The following COL11A1 variants were observed in gnomAD, a reference collection of about 807,000 sequenced individuals.
COL11A1 encodes collagen alpha-1(XI) chain.
Under a neutral mutation model 265.2 loss-of-function variants are expected in COL11A1, and 74 were observed. That is an observed-to-expected ratio of 0.28 (90% CI 0.23 to 0.34). The LOEUF (loss-of-function observed/expected upper bound fraction) is 0.34, where lower values mean the gene tolerates loss of function less well. Among genes scored for constraint, COL11A1 ranks in the 10% least tolerant of loss-of-function variants. The pLI, the probability that COL11A1 is intolerant of heterozygous loss-of-function variation, is 1.00. For synonymous variants in COL11A1, 816 were observed against 727.6 expected (o/e 1.12, Z -1.96); for missense variants, 2,165 against 2,263.6 (o/e 0.96, Z 0.88).
At chr1:102,952,168 G>C (rs1659953819) in intron 41 of COL11A1, among the ~76,000 whole-genome samples, 1 of 151,944 alleles carries the variant, frequency 6.6e-6, no homozygotes, top group South Asian at 2.1e-4. Flanking sequence ...GTGCGATCTT[G>C]GCTCACTGCA....
chr1:102,943,000 T>C (rs1658888807), intron 42 of COL11A1, among the ~76,000 whole-genome samples: 1 of 152,082 alleles, frequency 6.6e-6, no homozygotes, highest in Non-Finnish European at 1.5e-5. Flanking sequence ...ACTAAATAAA[T>C]GATAGGGGTA....
Position 103,014,554 on chromosome 1 carries a change from G to C in COL11A1, c.1529C>G (p.Ser510Cys). ...GGDGSKGPTI[S>C]AQEAQAQAIL... is the part of the protein sequence containing the mutation. ...AGCTTGAGCCTGAGCTTCCTGAGCA[G>C]AGATGGTTGGTCCTTTGGAACCATC... The change falls in exon 13 of 67, where the codon TCT becomes TGT. Residue 510 changes from serine to cysteine, a missense_variant. Coordinates refer to ENST00000370096, the MANE Select transcript of COL11A1 (RefSeq NM_001854.4). 6.2e-7 allele frequency: 1 copy of C among 1,613,752 alleles called. No individual in the cohort carries two copies. The highest frequency in any genetic ancestry group is 8.5e-7 in the Non-Finnish European group (1 of 1,179,784).
intron 4 of COL11A1, among the ~76,000 whole-genome samples, chr1:103,047,208 A>G (rs935395039): frequency 1.3e-5 from 2 of 152,060 alleles, no homozygotes; most frequent in African/African-American, 2.4e-5. Flanking sequence ...AGTATGGCCA[A>G]TTTCACGATA....
intron 1 of COL11A1, 113 bp downstream of exon 1, chr1:103,107,960 G>C (rs1571302195): frequency 1.3e-6 from 1 of 764,310 alleles, no homozygotes; most frequent in Admixed American, 2.1e-5. Flanking sequence ...TAAGGGAATT[G>C]CTTTTTTTTT....
At position 102,978,899 on chromosome 1, in the gene COL11A1, T is replaced by G; in HGVS notation, c.2670A>C (p.Ser890=). 1 of 1,614,188 alleles carries G rather than the reference T, an allele frequency of 6.2e-7. No homozygotes were observed. Among genetic ancestry groups the G allele is most frequent in the Non-Finnish European group, 8.5e-7 (1 of 1,180,028 alleles). Residue 890 remains serine (S), a synonymous_variant, in exon 34 of 67, where the codon TCA becomes TCC. Coordinates refer to ENST00000370096, the MANE Select transcript of COL11A1 (RefSeq NM_001854.4). ...GQRGPTGPRG[S]RGARGPTGKP... ...TCCCAGTGGGACCTCTTGCACCTCT[T>G]GAACCTCGAGGACCCTGCAGATGAG...
At chr1:102,990,531 C>A (rs915783424) in intron 28 of COL11A1, among the ~76,000 whole-genome samples, 4 of 151,718 alleles carry the variant, frequency 2.6e-5, no homozygotes, top group Non-Finnish European at 5.9e-5. Context: ...AAGAGAGGAA[C>A]GATTTGGGCT....
chr1:103,030,415 A>G (rs1027098605), intron 5 of COL11A1, among the ~76,000 whole-genome samples: 4 of 152,080 alleles, frequency 2.6e-5, no homozygotes, highest in African/African-American at 9.7e-5. Flanking sequence ...ACCCATTGTA[A>G]ACAGTAAAAC....
chr1:103,013,307 T>C (rs539817908), intron 13 of COL11A1, among the ~76,000 whole-genome samples: 1 of 152,022 alleles, frequency 6.6e-6, no homozygotes, highest in Non-Finnish European at 1.5e-5. Context: ...AATATACTTC[T>C]TAATCCTTGA....
At chr1:103,029,253 T>A (rs1427430969) in intron 5 of COL11A1, among the ~76,000 whole-genome samples, 1 of 152,052 alleles carries the variant, frequency 6.6e-6, no homozygotes, top group Non-Finnish European at 1.5e-5. Flanking sequence ...GCCAGAAGTT[T>A]ATTAGTGAAC....
chr1:103,023,129 C>A, intron 7 of COL11A1, 133 bp from the exon 8 acceptor site: 1 of 844,998 alleles, frequency 1.2e-6, no homozygotes, highest in Non-Finnish European at 1.9e-6. Flanking sequence ...CTCTAAACAC[C>A]TGGAAAGTAG....
intron 64 of COL11A1, among the ~76,000 whole-genome samples, chr1:102,882,396 G>C (rs1650368209): frequency 6.6e-6 from 1 of 152,250 alleles, no homozygotes; most frequent in East Asian, 1.9e-4. Flanking sequence ...TGGAGGCTAG[G>C]GGAGCTTTAC....
intron 4 of COL11A1, among the ~76,000 whole-genome samples, chr1:103,058,461 T>G (rs940702655): frequency 2.1e-4 from 32 of 152,174 alleles, no homozygotes; most frequent in African/African-American, 7.2e-4. Flanking sequence ...TCCTTTGCAT[T>G]CATAACTCTT....
intron 1 of COL11A1, among the ~76,000 whole-genome samples, chr1:103,097,136 C>T (rs929243138): frequency 6.6e-6 from 1 of 151,978 alleles, no homozygotes; most frequent in Admixed American, 6.6e-5. Flanking sequence ...ACTGGGACAA[C>T]CTAGTTATGT....
intron 48 of COL11A1, among the ~76,000 whole-genome samples, chr1:102,920,729 G>A (rs1014451105): frequency 9.2e-5 from 14 of 152,172 alleles, no homozygotes; most frequent in South Asian, 8.3e-4. Context: ...CATAATCCAC[G>A]CAAGAAACAA....
chr1:103,005,619 G>T (rs1665524021), intron 18 of COL11A1, among the ~76,000 whole-genome samples: 1 of 152,062 alleles, frequency 6.6e-6, no homozygotes, highest in Non-Finnish European at 1.5e-5. Flanking sequence ...ATTTATGTTT[G>T]CATAAAAGGA....
chr1:102,895,935 A>G (rs1463037), intron 57 of COL11A1, among the ~76,000 whole-genome samples: 13,292 of 151,726 alleles, frequency 0.088, 686 homozygotes, highest in Middle Eastern at 0.16. Context: ...ACACACATGC[A>G]TGAATGAGGT....
chr1:102,958,334 A>G (rs894664507), intron 41 of COL11A1, among the ~76,000 whole-genome samples: 1 of 151,290 alleles, frequency 6.6e-6, no homozygotes, highest in Non-Finnish European at 1.5e-5. Flanking sequence ...TTTTTTCAAT[A>G]TTAATTGCAA....
intron 11 of COL11A1, 127 bp downstream of exon 11, chr1:103,017,693 T>C: frequency 2.5e-6 from 2 of 804,984 alleles, no homozygotes; most frequent in Non-Finnish European, 4.4e-6. Flanking sequence ...TGTGCAGCAC[T>C]GAATTCATGC....
At position 103,084,083 on chromosome 1, in the gene COL11A1, T is replaced by C. The variant is rs180829851; in HGVS notation, c.107-1111A>G. ...TATATTGTACTATTATTATCTTTAA[T>C]TGTGATCAATACATATAACATTAAA... On this transcript the variant is annotated intron_variant, in intron 1 of 66. Transcript: ENST00000370096. 1.1e-3 allele frequency among the ~76,000 whole-genome samples: 166 copies of C among 152,302 alleles called. 1 individual carries two copies. The highest frequency in any genetic ancestry group is 3.9e-3 in the African/African-American group (164 of 41,572).
Sources: allele counts gnomAD v4.1 joint callset (sites outside exome capture counted in the v4.1 genomes callset), GRCh38; gene constraint gnomAD v4.1.1; transcripts MANE v1.5; gene names NCBI Gene and HGNC (gene_info 2026-07-23, HGNC 2026-07-21).